Variants in COL22A1 observed in about 807,000 individuals in gnomAD.
COL22A1 encodes collagen type XXII alpha 1 chain, also known as collagen alpha-1(XXII) chain.
COL22A1 carries 221 observed loss-of-function variants against 248.9 expected under a neutral mutation model. The observed-to-expected ratio is 0.89, with a 90% CI of 0.80 to 0.99. COL22A1 has a LOEUF of 0.99. Among genes scored for constraint, COL22A1 ranks in the 50% least tolerant of loss-of-function variants. The pLI is 0.00. For synonymous variants in COL22A1, 891 were observed against 793.4 expected (o/e 1.12, Z -2.07); for missense variants, 2,240 against 2,179.0 (o/e 1.03, Z -0.56).
intron 27 of COL22A1, among the ~76,000 whole-genome samples, chr8:138,717,349 A>G (rs186657188): frequency 4.8e-4 from 73 of 152,164 alleles, no homozygotes; most frequent in African/African-American, 1.6e-3. Flanking sequence ...GGGTTTCACC[A>G]TGTTAGCCAG....
chr8:138,611,649 C>T (rs934641918), intron 56 of COL22A1, among the ~76,000 whole-genome samples: 1 of 152,244 alleles, frequency 6.6e-6, no homozygotes, highest in African/African-American at 2.4e-5. Flanking sequence ...CACTCTTTGA[C>T]ACCTCAAGAA....
At chr8:138,617,416 AC>A (rs1457990904) in intron 53 of COL22A1, among the ~76,000 whole-genome samples, 1 of 151,882 alleles carries the variant, frequency 6.6e-6, no homozygotes, top group African/African-American at 2.4e-5. Context: ...TCCTACCAAC[AC>A]CCCTGAGTAG....
chr8:138,809,528 C>CTTTTTCT lies in COL22A1; in HGVS notation c.1450-1717_1450-1716insAGAAAAA, dbSNP rs1554633655. 4.3e-5 allele frequency among the ~76,000 whole-genome samples: 5 copies of CTTTTTCT among 117,630 alleles called. 1 individual carries two copies. Among genetic ancestry groups the CTTTTTCT allele is most frequent in the African/African-American group, 6.6e-5 (2 of 30,110 alleles). The allele number at this position is 117,630 out of a possible 152,430, so 77.2% of individuals were successfully genotyped here. ...TTTCTTCTTCTCTTTTTTTCTTTTTCTTTTTTTTTTGAGACAGAGTCTCAC... is the reference window on the plus strand; with the variant it reads ...TTTCTTCTTCTCTTTTTTTCTTTTTCTTTTTCTTTTTTTTTTTGAGACAGAGTCTCAC... On this transcript the variant is annotated intron_variant, in intron 9 of 64. Coordinates refer to ENST00000303045, the MANE Select transcript of COL22A1 (RefSeq NM_152888.3).
chr8:138,862,431 C>T (rs1242558626), intron 3 of COL22A1, among the ~76,000 whole-genome samples: 1 of 152,086 alleles, frequency 6.6e-6, no homozygotes, highest in Non-Finnish European at 1.5e-5. Context: ...GGAGCTGAGG[C>T]CACTGCTGTC....
At chr8:138,791,866 G>A (rs1030120347) in intron 12 of COL22A1, among the ~76,000 whole-genome samples, 3 of 152,074 alleles carry the variant, frequency 2.0e-5, no homozygotes, top group Admixed American at 6.5e-5. Context: ...CTGAGTCAAC[G>A]AGCCCAGTAA....
chr8:138,862,635 G>T (rs1554647999), intron 3 of COL22A1, among the ~76,000 whole-genome samples: 1 of 151,730 alleles, frequency 6.6e-6, no homozygotes, highest in Non-Finnish European at 1.5e-5. Context: ...CTTTCCTCTT[G>T]TTTTTTTCCC....
At chr8:138,694,102 C>A (rs1484794114) in intron 34 of COL22A1, among the ~76,000 whole-genome samples, 1 of 152,192 alleles carries the variant, frequency 6.6e-6, no homozygotes, top group African/African-American at 2.4e-5. Context: ...CTAACATGTA[C>A]CAGGTGTCAC....
At chr8:138,889,822 C>G (rs1020741409) in intron 1 of COL22A1, among the ~76,000 whole-genome samples, 1 of 152,102 alleles carries the variant, frequency 6.6e-6, no homozygotes, top group African/African-American at 2.4e-5. Context: ...TTCCCAGGCT[C>G]TAGAAATTTG....
In COL22A1 at chr8:138,750,242, G is replaced by A. The variant is rs146368331; in HGVS notation, c.2085+1216C>T. Among the ~76,000 whole-genome samples the A allele has an allele frequency of 2.4e-3, 367 of 152,256 alleles. 2 individuals are homozygous for A. Among genetic ancestry groups the A allele is most frequent in the Middle Eastern group, 6.8e-3 (2 of 294 alleles). On this transcript the variant is annotated intron_variant, in intron 22 of 64. Coordinates refer to ENST00000303045, the MANE Select transcript of COL22A1 (RefSeq NM_152888.3). ...TCTCGGGTATGTGTTTATTAGCAGC[G>A]TGAGAACAGACTAATACAATCTCTC...
intron 4 of COL22A1, among the ~76,000 whole-genome samples, chr8:138,838,344 G>C (rs769343132): frequency 5.3e-5 from 8 of 152,108 alleles, no homozygotes; most frequent in Non-Finnish European, 1.2e-4. Flanking sequence ...TGAGGGATGA[G>C]GGGGAGTGAG....
At chr8:138,796,534 A>T (rs1408778349) in intron 12 of COL22A1, among the ~76,000 whole-genome samples, 1 of 150,704 alleles carries the variant, frequency 6.6e-6, no homozygotes, top group Admixed American at 6.6e-5. Flanking sequence ...AACATTTCCA[A>T]CAGAATATGC....
intron 7 of COL22A1, among the ~76,000 whole-genome samples, chr8:138,820,752 G>A (rs1338895759): frequency 1.3e-5 from 2 of 152,122 alleles, no homozygotes; most frequent in South Asian, 2.1e-4. Flanking sequence ...GTATGTATGT[G>A]TGTGTGTGAC....
intron 45 of COL22A1, among the ~76,000 whole-genome samples, chr8:138,651,406 TC>T (rs1360142598): frequency 4.6e-4 from 70 of 152,330 alleles, no homozygotes; most frequent in Admixed American, 4.6e-3. Flanking sequence ...GAATCAGGCA[TC>T]CCAACTAACT....
intron 2 of COL22A1, among the ~76,000 whole-genome samples, chr8:138,879,561 T>C (rs1197946536): frequency 1.3e-5 from 2 of 151,386 alleles, no homozygotes; most frequent in African/African-American, 2.4e-5. Context: ...GCATGGTGGC[T>C]TATGACTGTA....
At chr8:138,636,527 A>AAAGGAAAGGC (rs796715773) in intron 48 of COL22A1, among the ~76,000 whole-genome samples, 2 of 33,716 alleles carry the variant, frequency 5.9e-5, no homozygotes, top group Non-Finnish European at 6.6e-4. Context: ...AAAGGAAAGG[A>AAAGGAAAGGC]AAGGAAAGGC....
At chr8:138,705,798 A>T (rs1317649570) in intron 30 of COL22A1, among the ~76,000 whole-genome samples, 1 of 152,206 alleles carries the variant, frequency 6.6e-6, no homozygotes, top group Non-Finnish European at 1.5e-5. Context: ...CCTTAAATGT[A>T]AATGGGCTAA....
chr8:138,855,626 T>TC (rs1308938172), intron 3 of COL22A1, among the ~76,000 whole-genome samples: 2 of 151,988 alleles, frequency 1.3e-5, no homozygotes, highest in Non-Finnish European at 2.9e-5. Context: ...TCTTTTTGAA[T>TC]CCCCCCAGGA....
chr8:138,761,203 C>T (rs1833462362), intron 17 of COL22A1, among the ~76,000 whole-genome samples: 1 of 152,162 alleles, frequency 6.6e-6, no homozygotes, highest in Non-Finnish European at 1.5e-5. Context: ...TTTGCACACT[C>T]ATCCATGGGA....
At chr8:138,894,893 A>G (rs1427749607) in intron 1 of COL22A1, among the ~76,000 whole-genome samples, 1 of 152,080 alleles carries the variant, frequency 6.6e-6, no homozygotes, top group African/African-American at 2.4e-5. Context: ...TAAAAAACAA[A>G]CAAACGAAAA....
Sources: gnomAD v4.1 joint callset for allele counts (sites outside exome capture counted in the v4.1 genomes callset) on GRCh38, gnomAD v4.1.1 for gene constraint, MANE v1.5 for transcripts, NCBI Gene and HGNC (gene_info 2026-07-23, HGNC 2026-07-21) for gene names.